The following FYN variants were observed in gnomAD, a reference collection of about 807,000 sequenced individuals.
FYN encodes the protein tyrosine-protein kinase Fyn.
In FYN, 10 loss-of-function variants were observed where a neutral mutation model predicts 70.2. That is an observed-to-expected ratio of 0.14 (90% confidence interval 0.09 to 0.24). The LOEUF (loss-of-function observed/expected upper bound fraction) is 0.24, where lower values mean the gene tolerates loss of function less well. FYN is among the 10% of genes least tolerant of loss of function. FYN has a pLI of 1.00. For missense variants in FYN, 319 were observed against 673.1 expected (o/e 0.47, Z 5.82); for synonymous variants, 236 against 248.6 (o/e 0.95, Z 0.48).
intron 2 of FYN, among the ~76,000 whole-genome samples, chr6:111,810,613 C>T (rs774398122): frequency 1.1e-4 from 16 of 152,198 alleles, no homozygotes; most frequent in Non-Finnish European, 2.1e-4. Flanking sequence ...TCAGGAAGCA[C>T]TAAATCAACC....
chr6:111,761,678 C>A (rs1267341629), intron 3 of FYN, among the ~76,000 whole-genome samples: 1 of 152,090 alleles, frequency 6.6e-6, no homozygotes. Flanking sequence ...GCAGAGCCTT[C>A]CGGGGCGACA....
At chr6:111,743,380 CAT>C (rs756324563) in intron 3 of FYN, among the ~76,000 whole-genome samples, 35 of 152,302 alleles carry the variant, frequency 2.3e-4, no homozygotes, top group Non-Finnish European at 3.1e-4. Flanking sequence ...TTTTTCTCCA[CAT>C]GTTTTATAAC....
At chr6:111,716,471 C>G (rs975680246) in intron 4 of FYN, among the ~76,000 whole-genome samples, 1 of 152,098 alleles carries the variant, frequency 6.6e-6, no homozygotes, top group African/African-American at 2.4e-5. Context: ...AGGCTGAACG[C>G]AGCACCCTCT....
chr6:111,761,516 G>A (rs1803003866), intron 3 of FYN, among the ~76,000 whole-genome samples: 1 of 152,190 alleles, frequency 6.6e-6, no homozygotes, highest in African/African-American at 2.4e-5. Flanking sequence ...AGATGAAGCT[G>A]GAAATCAGTA....
intron 13 of FYN, among the ~76,000 whole-genome samples, chr6:111,666,387 G>C (rs1007669242): frequency 6.6e-6 from 1 of 152,046 alleles, no homozygotes; most frequent in Non-Finnish European, 1.5e-5. Context: ...CTTGGGGCTG[G>C]GGAGCCAGCA....
At chr6:111,714,038 T>C (rs1443822472) in intron 5 of FYN, among the ~76,000 whole-genome samples, 1 of 152,230 alleles carries the variant, frequency 6.6e-6, no homozygotes, top group African/African-American at 2.4e-5. Context: ...TGTAGGTTTG[T>C]AGAAACACTC....
At chr6:111,856,014 C>T (rs1403272421) in intron 1 of FYN, among the ~76,000 whole-genome samples, 1 of 152,140 alleles carries the variant, frequency 6.6e-6, no homozygotes, top group East Asian at 1.9e-4. Flanking sequence ...ATATTCCGTA[C>T]CAGAATGGAG....
chr6:111,806,715 A>G (rs1276041453), intron 2 of FYN, among the ~76,000 whole-genome samples: 2 of 152,168 alleles, frequency 1.3e-5, no homozygotes, highest in Non-Finnish European at 2.9e-5. Flanking sequence ...ATAATTTTGC[A>G]ATACCCACTG....
At chr6:111,781,214 T>C (rs1484061653) in intron 2 of FYN, 1 of 152,206 alleles carries the variant, frequency 6.6e-6, no homozygotes, top group Non-Finnish European at 1.5e-5. Flanking sequence ...AAGCCTGAGC[T>C]GTTATCATCA....
At chr6:111,772,551 G>A (rs1803490430) in intron 3 of FYN, among the ~76,000 whole-genome samples, 1 of 152,140 alleles carries the variant, frequency 6.6e-6, no homozygotes, top group Non-Finnish European at 1.5e-5. Flanking sequence ...GGAACAAGGT[G>A]ACTTCTTCTG....
intron 2 of FYN, among the ~76,000 whole-genome samples, chr6:111,791,696 A>T (rs1317677058): frequency 2.0e-5 from 3 of 152,212 alleles, no homozygotes; most frequent in Non-Finnish European, 2.9e-5. Flanking sequence ...CCTTCATCAG[A>T]GAGACCATGA....
intron 2 of FYN, among the ~76,000 whole-genome samples, chr6:111,824,650 C>T (rs893235655): frequency 6.6e-6 from 1 of 152,124 alleles, no homozygotes; most frequent in South Asian, 2.1e-4. Context: ...CTTTACTCTC[C>T]CCCAGTCATT....
intron 5 of FYN, among the ~76,000 whole-genome samples, chr6:111,713,934 G>A (rs1158227493): frequency 2.0e-5 from 3 of 152,242 alleles, no homozygotes; most frequent in Non-Finnish European, 2.9e-5. Flanking sequence ...CTCAAGTGAG[G>A]GCTTAGCTAG....
chr6:111,744,978 G>A (rs989830017), intron 3 of FYN, among the ~76,000 whole-genome samples: 1 of 152,112 alleles, frequency 6.6e-6, no homozygotes, highest in Admixed American at 6.6e-5. Context: ...AATAAAGCAA[G>A]GAAAGTGGGA....
chr6:111,672,147 T>C (rs1798306363), intron 13 of FYN, among the ~76,000 whole-genome samples: 1 of 152,182 alleles, frequency 6.6e-6, no homozygotes, highest in Admixed American at 6.5e-5. Flanking sequence ...CATGGCATCT[T>C]CTCAGATTCA....
rs547136586 is a variant in FYN at position 111,729,381 on chromosome 6, T to G, written c.-11-9319A>C. On this transcript the variant is annotated intron_variant, in intron 3 of 13. Coordinates refer to ENST00000354650, the MANE Select transcript of FYN (RefSeq NM_002037.5). ...CCTAGCTACTCGAGTGGCTGAGGCA[T>G]GAGAATCGCTTGAACCAGGAAAGCA... 6.6e-5 allele frequency among the ~76,000 whole-genome samples: 10 copies of G among 150,476 alleles called. No homozygotes were observed. The East Asian group carries it at 1.6e-3, about 24-fold the overall frequency.
intron 2 of FYN, among the ~76,000 whole-genome samples, chr6:111,786,064 TA>T (rs1185179957): frequency 4.0e-5 from 6 of 151,856 alleles, no homozygotes; most frequent in East Asian, 1.9e-4. Context: ...TATTTTAAAT[TA>T]TTTTTTTATT....
rs561489178 is a variant in FYN at position 111,836,590 on chromosome 6, C to A, written c.-82+9999G>T. Among the ~76,000 whole-genome samples the A allele has an allele frequency of 1.9e-3, 287 of 152,228 alleles. 2 individuals are homozygous for A. The highest frequency in any genetic ancestry group is 0.011 in the South Asian group (54 of 4,820). ...GACCAGCCTGGGCAACATAGGGAGA[C>A]ACTGTTTCTACAAAAATAATAAAAA... On this transcript the variant is annotated intron_variant, in intron 2 of 13. Coordinates refer to ENST00000354650, the MANE Select transcript of FYN (RefSeq NM_002037.5).
intron 2 of FYN, among the ~76,000 whole-genome samples, chr6:111,791,194 G>A (rs1771607622): frequency 6.6e-6 from 1 of 152,170 alleles, no homozygotes; most frequent in Admixed American, 6.5e-5. Context: ...TGTGACATTT[G>A]TGCAAGGCCA....
Sources: allele counts gnomAD v4.1 joint callset (sites outside exome capture counted in the v4.1 genomes callset), GRCh38; gene constraint gnomAD v4.1.1; transcripts MANE v1.5; gene names NCBI Gene and HGNC (gene_info 2026-07-23, HGNC 2026-07-21).